NFIC: variants seen among roughly 807,000 people sequenced by gnomAD.
NFIC encodes nuclear factor I C.
In NFIC, 12 loss-of-function variants were observed where a neutral mutation model predicts 54.4. The observed-to-expected ratio is 0.22, with a 90% CI of 0.14 to 0.36. The LOEUF (loss-of-function observed/expected upper bound fraction) is 0.36, where lower values mean the gene tolerates loss of function less well. Ranked by LOEUF, NFIC falls within the 10% of genes least tolerant of loss-of-function variation. NFIC has a pLI of 1.00. For missense variants in NFIC, 575 were observed against 718.2 expected, an observed-to-expected ratio of 0.80 and a Z score of 2.28; for synonymous variants, 322 against 319.2, an observed-to-expected ratio of 1.01 and a Z score of -0.09.
chr19:3,380,056 A>C (rs1041389123), intron 1 of NFIC, among the ~76,000 whole-genome samples: 2 of 151,678 alleles, frequency 1.3e-5, no homozygotes, highest in Non-Finnish European at 2.9e-5. Context: ...GCTGGAGTGC[A>C]GTGGCGCAAT....
At chr19:3,407,356 A>G (rs7247738) in intron 2 of NFIC, among the ~76,000 whole-genome samples, 80,908 of 151,422 alleles carry the variant, frequency 0.53, 23,511 homozygotes, top group Non-Finnish European at 0.66. Flanking sequence ...CTCGTGATCC[A>G]CCCGCCTCGG....
intron 2 of NFIC, among the ~76,000 whole-genome samples, chr19:3,421,351 G>A (rs1008760797): frequency 1.1e-4 from 16 of 152,224 alleles, no homozygotes; most frequent in African/African-American, 2.7e-4. Flanking sequence ...CCTGGCGCCC[G>A]GACGGCCGGC....
At chr19:3,366,538 G>GA, upstream of NFIC, 1 of 572,540 alleles carries the variant, frequency 1.7e-6, no homozygotes. Flanking sequence ...GCGGGGCGGG[G>GA]GGGGGGGTTG....
At position 3,434,264 on chromosome 19, in the gene NFIC, T is replaced by C. The variant is rs767206612; in HGVS notation, c.710-13T>C. On this transcript the variant is annotated splice_polypyrimidine_tract_variant and intron_variant, in intron 4 of 10. Coordinates refer to ENST00000443272, the MANE Select transcript of NFIC (RefSeq NM_001245002.2). ...CTGCTTCCTGCCTCACTCTCCTCTG[T>C]CACCCTCTGCAGCACCCGTGGTGAC... The C allele has an allele frequency of 4.4e-6, 7 of 1,604,322 alleles. No homozygotes were observed. The highest frequency in any genetic ancestry group is 1.7e-5 in the Admixed American group (1 of 59,152).
In NFIC at chr19:3,454,064, C is replaced by G. The variant is rs2082513113; in HGVS notation, c.1423+148C>G. The G allele has an allele frequency of 6.5e-6, 9 of 1,379,018 alleles. No individual in the cohort carries two copies. In the Admixed American group the frequency reaches 2.6e-4, roughly 40 times the overall value. The allele number at this position is 1,379,018 out of a possible 1,614,324, so 85.4% of individuals were successfully genotyped here. ...GGTCTCCGGAAAACAGCCCAGTGGC[C>G]ACGTGGTTGGGCCCATGTAGGGCTG... On this transcript the variant is annotated intron_variant, in intron 9 of 10. Transcript: ENST00000443272.
rs138399296 is a variant in NFIC at position 3,370,421 on chromosome 19, G to A, written c.30+3755G>A. On this transcript the variant is annotated intron_variant, in intron 1 of 10. Transcript: ENST00000443272. The surrounding 1 kb of genome is among the most constrained non-coding windows in gnomAD (Gnocchi z 5.2). ...CTCTGCGGCGGAGGTGCCTCTGCGC[G>A]CCAGGGCCAAGCGCCCTGTAAATCA... 8.6e-5 allele frequency among the ~76,000 whole-genome samples: 13 copies of A among 151,894 alleles called. No homozygotes were observed. Among genetic ancestry groups the A allele is most frequent in the Non-Finnish European group, 1.8e-4 (12 of 67,926 alleles).
chr19:3,443,860 G>A (rs550015078), intron 6 of NFIC, among the ~76,000 whole-genome samples: 10 of 152,206 alleles, frequency 6.6e-5, no homozygotes, highest in Non-Finnish European at 1.5e-4. Context: ...ACAGGGCCCA[G>A]AGGAGACCTT....
intron 1 of NFIC, among the ~76,000 whole-genome samples, chr19:3,374,638 G>A (rs1057203563): frequency 1.3e-5 from 2 of 152,204 alleles, no homozygotes; most frequent in Admixed American, 6.6e-5. Flanking sequence ...AGGAAAGGCT[G>A]CTTGAAGGAG....
At chr19:3,381,550 C>T (rs1415197409) in intron 1 of NFIC, among the ~76,000 whole-genome samples, 162 bp from the exon 2 acceptor site, 1 of 152,166 alleles carries the variant, frequency 6.6e-6, no homozygotes, top group African/African-American at 2.4e-5. Context: ...GTGCCTCCGG[C>T]GGCGTGCACG....
chr19:3,433,950 C>T (rs979777624), intron 4 of NFIC, among the ~76,000 whole-genome samples: 6 of 152,110 alleles, frequency 3.9e-5, no homozygotes, highest in African/African-American at 9.7e-5. Flanking sequence ...CAGCACATTC[C>T]GTCACACACT....
At chr19:3,441,078 G>A (rs1016438716) in intron 6 of NFIC, among the ~76,000 whole-genome samples, 1 of 151,766 alleles carries the variant, frequency 6.6e-6, no homozygotes, top group African/African-American at 2.4e-5. Flanking sequence ...CCACAGTGTT[G>A]GGATGGCAGG....
At chr19:3,421,595 G>A (rs1177784166) in intron 2 of NFIC, among the ~76,000 whole-genome samples, 2 of 152,220 alleles carry the variant, frequency 1.3e-5, no homozygotes, top group Admixed American at 6.5e-5. Context: ...GTTTCCTGAC[G>A]AGGAAACTGA....
In NFIC at chr19:3,375,262, C is replaced by T. The variant is rs1443588466; in HGVS notation, c.31-6450C>T. On this transcript the variant is annotated intron_variant, in intron 1 of 10. Coordinates refer to ENST00000443272, the MANE Select transcript of NFIC (RefSeq NM_001245002.2). This position sits in a 1 kb window ranked among gnomAD's most constrained non-coding sequence, Gnocchi z 4.6. ...AGCGCCAGAGCTTGGGTGGCAGCCA[C>T]GGCCCCAGCTGGACAACATTGTCCG... is the stretch of plus-strand genomic sequence containing the variant. 2.0e-5 allele frequency among the ~76,000 whole-genome samples: 3 copies of T among 152,128 alleles called. No homozygotes were observed. Among genetic ancestry groups the T allele is most frequent in the African/African-American group, 4.8e-5 (2 of 41,434 alleles).
upstream of NFIC, among the ~76,000 whole-genome samples, chr19:3,362,382 T>C (rs537547879): frequency 8.6e-5 from 13 of 151,580 alleles, no homozygotes; most frequent in Admixed American, 7.9e-4. Flanking sequence ...GAGGGTGTGT[T>C]TGTGGCTGTG....
chr19:3,395,895 G>A (rs1481084489), intron 2 of NFIC, among the ~76,000 whole-genome samples: 1 of 152,034 alleles, frequency 6.6e-6, no homozygotes, highest in East Asian at 1.9e-4. Flanking sequence ...GGCCAGGCTG[G>A]TCTTGAACTC....
intron 1 of NFIC, among the ~76,000 whole-genome samples, chr19:3,360,202 G>T (rs1349548264): frequency 6.9e-6 from 1 of 145,562 alleles, no homozygotes; most frequent in Non-Finnish European, 1.5e-5. Flanking sequence ...TGGCCGCTGC[G>T]GAGAGGGGCG....
chr19:3,423,899 A>G (rs1391159320), intron 2 of NFIC, among the ~76,000 whole-genome samples: 2 of 152,198 alleles, frequency 1.3e-5, no homozygotes, highest in Non-Finnish European at 1.5e-5. Flanking sequence ...TGACGTCTCC[A>G]GGACTCACCT....
chr19:3,390,845 G>C (rs1051814301), intron 2 of NFIC, among the ~76,000 whole-genome samples: 6 of 151,934 alleles, frequency 3.9e-5, no homozygotes, highest in Non-Finnish European at 8.8e-5. Flanking sequence ...AAAGTAGGAT[G>C]GGGGGTGCCA....
chr19:3,427,316 C>T (rs1020347590), intron 3 of NFIC, among the ~76,000 whole-genome samples: 2 of 152,098 alleles, frequency 1.3e-5, no homozygotes, highest in African/African-American at 4.8e-5. Context: ...AGTGACTGCA[C>T]GGGTGTCTGC....
Sources: gnomAD v4.1 joint callset for allele counts (sites outside exome capture counted in the v4.1 genomes callset) on GRCh38, gnomAD v4.1.1 for gene constraint, Gnocchi (gnomAD v3.1) non-coding constraint, MANE v1.5 for transcripts, NCBI Gene and HGNC (gene_info 2026-07-23, HGNC 2026-07-21) for gene names.